Variants in KCTD8 observed in about 807,000 individuals in gnomAD.
KCTD8 encodes potassium channel tetramerization domain containing 8.
KCTD8 carries 27 observed loss-of-function variants against 31.5 expected under a neutral mutation model. The observed-to-expected ratio is 0.86, with a 90% CI of 0.63 to 1.18. KCTD8 has a LOEUF of 1.18. Ranked by LOEUF, KCTD8 falls within the 50% of genes most tolerant of loss-of-function variation. The probability of loss-of-function intolerance (pLI) is 0.00; values close to 1 mark genes in which losing one functional copy is unlikely to be tolerated. For missense variants in KCTD8, 658 were observed against 647.7 expected (o/e 1.02, Z -0.17); for synonymous variants, 290 against 280.0 (o/e 1.04, Z -0.36).
chr4:44,257,389 G>C (rs557444703), intron 1 of KCTD8, among the ~76,000 whole-genome samples: 1 of 151,764 alleles, frequency 6.6e-6, no homozygotes, highest in Non-Finnish European at 1.5e-5. Context: ...AGGTCTTTTC[G>C]AGGTCTTATT....
chr4:44,193,767 G>A (rs1713839288), intron 1 of KCTD8, among the ~76,000 whole-genome samples: 1 of 152,074 alleles, frequency 6.6e-6, no homozygotes, highest in African/African-American at 2.4e-5. Context: ...TCAAATGTAA[G>A]GGTTTTTGTT....
intron 1 of KCTD8, among the ~76,000 whole-genome samples, chr4:44,389,524 C>G (rs1720314110): frequency 6.6e-6 from 1 of 151,588 alleles, no homozygotes; most frequent in Non-Finnish European, 1.5e-5. Flanking sequence ...TTCCATTCAT[C>G]TACAAAGAGT....
intron 1 of KCTD8, among the ~76,000 whole-genome samples, chr4:44,299,078 A>G (rs1424966694): frequency 2.0e-5 from 3 of 152,220 alleles, no homozygotes; most frequent in Non-Finnish European, 4.4e-5. Context: ...TTTCAAGTAC[A>G]TTAGTTGAGT....
chr4:44,303,684 T>C (rs879515056), intron 1 of KCTD8, among the ~76,000 whole-genome samples: 6 of 151,850 alleles, frequency 4.0e-5, no homozygotes, highest in Admixed American at 1.3e-4. Flanking sequence ...GGTGTGGTGC[T>C]GTGCTCCTGT....
intron 1 of KCTD8, among the ~76,000 whole-genome samples, chr4:44,335,297 G>A (rs929829919): frequency 1.3e-5 from 2 of 151,904 alleles, no homozygotes; most frequent in African/African-American, 4.8e-5. Context: ...ATATTCAGTT[G>A]TTATTAATAT....
intron 1 of KCTD8, among the ~76,000 whole-genome samples, chr4:44,204,933 A>G (rs1206626105): frequency 6.6e-6 from 1 of 152,074 alleles, no homozygotes; most frequent in African/African-American, 2.4e-5. Flanking sequence ...TTAATTTTCT[A>G]AAATATAGAA....
Position 44,175,262 on chromosome 4 carries a change from GAAA to G in KCTD8, c.962-15_962-13del. On this transcript the variant is annotated splice_polypyrimidine_tract_variant and intron_variant, in intron 1 of 1. Transcript: ENST00000360029. ...TTTCTGAGGTGGTCCTAAAAAGGAG[GAAA>G]AAAAAAGAAGAAGAGTAGAACAGTT... The G allele has an allele frequency of 7.1e-7, 1 of 1,401,592 alleles. No individual in the cohort carries two copies. The highest frequency in any genetic ancestry group is 1.5e-5 in the South Asian group (1 of 65,506). 86.8% of individuals were successfully genotyped at this position (1,401,592 alleles called of 1,614,324 possible).
intron 1 of KCTD8, among the ~76,000 whole-genome samples, chr4:44,234,381 A>G (rs546940212): frequency 5.9e-5 from 9 of 152,328 alleles, no homozygotes; most frequent in Non-Finnish European, 1.2e-4. Context: ...AGATGAAGTC[A>G]TAAAAGCTGA....
At chr4:44,206,115 T>C (rs1458069831) in intron 1 of KCTD8, among the ~76,000 whole-genome samples, 2 of 150,312 alleles carry the variant, frequency 1.3e-5, no homozygotes, top group African/African-American at 2.5e-5. Context: ...ATAATAAATA[T>C]GTATGCATTC....
At chr4:44,355,078 C>G (rs1450845348) in intron 1 of KCTD8, among the ~76,000 whole-genome samples, 1 of 151,956 alleles carries the variant, frequency 6.6e-6, no homozygotes, top group African/African-American at 2.4e-5. Flanking sequence ...AAGTAGAAAA[C>G]CTTATGAATA....
At chr4:44,338,697 AATT>A (rs1718818402) in intron 1 of KCTD8, among the ~76,000 whole-genome samples, 1 of 152,196 alleles carries the variant, frequency 6.6e-6, no homozygotes. Context: ...AGTTTTCTGA[AATT>A]TGTGATAAAT....
chr4:44,330,444 T>C lies in KCTD8; in HGVS notation c.961+117119A>G, dbSNP rs1383546366. 2.6e-5 allele frequency among the ~76,000 whole-genome samples: 4 copies of C among 151,968 alleles called. No individual in the cohort carries two copies. The East Asian group carries it at 7.7e-4, about 29-fold the overall frequency. On this transcript the variant is annotated intron_variant, in intron 1 of 1. Coordinates refer to ENST00000360029, the MANE Select transcript of KCTD8 (RefSeq NM_198353.3). ...CATCTGGAATTAGTTTCATATACCA[T>C]GTTTTATCAGAGCTTTATTTTTCAT...
intron 1 of KCTD8, among the ~76,000 whole-genome samples, chr4:44,317,299 G>C (rs1157355236): frequency 8.8e-6 from 1 of 113,890 alleles, no homozygotes; most frequent in Non-Finnish European, 1.7e-5. Context: ...GACTGCAGTG[G>C]CGCAATCTCG....
At chr4:44,280,551 A>G (rs1273015809) in intron 1 of KCTD8, among the ~76,000 whole-genome samples, 1 of 152,042 alleles carries the variant, frequency 6.6e-6, no homozygotes, top group African/African-American at 2.4e-5. Flanking sequence ...GAAGGACTTT[A>G]TGCCTCCATT....
intron 1 of KCTD8, among the ~76,000 whole-genome samples, chr4:44,405,281 C>CG (rs34277070): frequency 0.25 from 38,101 of 150,572 alleles, 5,069 homozygotes; most frequent in South Asian, 0.3. Context: ...TTTTGTGAGA[C>CG]GGAGTCTCGC....
chr4:44,326,000 A>G (rs191716753), intron 1 of KCTD8, among the ~76,000 whole-genome samples: 31 of 152,112 alleles, frequency 2.0e-4, no homozygotes, highest in African/African-American at 7.2e-4. Flanking sequence ...AGACAAGCCA[A>G]CCGTGACCAA....
chr4:44,219,373 C>T (rs1355715352), intron 1 of KCTD8, among the ~76,000 whole-genome samples: 2 of 152,164 alleles, frequency 1.3e-5, no homozygotes, highest in Non-Finnish European at 2.9e-5. Flanking sequence ...GAAAATCCGG[C>T]CTTTGCCAGT....
chr4:44,434,014 G>A (rs1721577964), intron 1 of KCTD8, among the ~76,000 whole-genome samples: 1 of 151,730 alleles, frequency 6.6e-6, no homozygotes. Flanking sequence ...TCCTGATATT[G>A]AATGTGCTAC....
chr4:44,430,580 G>C (rs1386166776), intron 1 of KCTD8, among the ~76,000 whole-genome samples: 2 of 151,496 alleles, frequency 1.3e-5, no homozygotes, highest in African/African-American at 4.8e-5. Context: ...GGAGCCAAAT[G>C]GTGCTCCATC....
Sources: allele counts gnomAD v4.1 joint callset (sites outside exome capture counted in the v4.1 genomes callset), GRCh38; gene constraint gnomAD v4.1.1; transcripts MANE v1.5; gene names NCBI Gene and HGNC (gene_info 2026-07-23, HGNC 2026-07-21).